Variants in ITSN1 observed in about 807,000 individuals in gnomAD.
The protein encoded by ITSN1 is intersectin-1.
A neutral mutation model predicts 239.8 loss-of-function variants in ITSN1; 58 were observed. The ratio of observed to expected loss-of-function variants is 0.24; its 90% CI spans 0.20 to 0.30. ITSN1 has a LOEUF of 0.30. Among genes scored for constraint, ITSN1 ranks in the 10% least tolerant of loss-of-function variants. ITSN1 has a pLI of 1.00. For synonymous variants in ITSN1, 780 were observed against 770.8 expected (o/e 1.01, Z -0.20); for missense variants, 1,558 against 2,103.3 (o/e 0.74, Z 5.07).
intron 29 of ITSN1, among the ~76,000 whole-genome samples, chr21:33,850,336 T>C (rs1441455735): frequency 6.6e-6 from 1 of 152,214 alleles, no homozygotes; most frequent in Non-Finnish European, 1.5e-5. Context: ...CTGGGTGGGA[T>C]ACCTGAGCTC....
At chr21:33,738,831 G>C (rs767126030) in intron 5 of ITSN1, among the ~76,000 whole-genome samples, 8 of 152,124 alleles carry the variant, frequency 5.3e-5, no homozygotes, top group Non-Finnish European at 8.8e-5. Flanking sequence ...GTCTCACTCT[G>C]TTGCCCAGAC....
intron 12 of ITSN1, among the ~76,000 whole-genome samples, chr21:33,773,005 T>TC (rs2069293081): frequency 6.6e-6 from 1 of 150,590 alleles, no homozygotes; most frequent in East Asian, 1.9e-4. Flanking sequence ...ATCTTCTTTT[T>TC]TTTTTTTTTT....
At chr21:33,831,621 G>A (rs796227949) in intron 27 of ITSN1, among the ~76,000 whole-genome samples, 2 of 152,152 alleles carry the variant, frequency 1.3e-5, no homozygotes, top group African/African-American at 4.8e-5. Context: ...AAGGAAGAAG[G>A]CCTTGCTGGG....
At chr21:33,761,423 T>G (rs2068316493) in intron 8 of ITSN1, among the ~76,000 whole-genome samples, 1 of 152,100 alleles carries the variant, frequency 6.6e-6, no homozygotes, top group Non-Finnish European at 1.5e-5. Flanking sequence ...TTTTTTTTCT[T>G]TTTAAGTCTG....
At position 33,668,014 on chromosome 21, in the gene ITSN1, A is replaced by G. The variant is rs2090032416; in HGVS notation, c.-33+25301A>G. 2.0e-5 allele frequency among the ~76,000 whole-genome samples: 3 copies of G among 152,096 alleles called. No individual in the cohort carries two copies. In the South Asian group the frequency reaches 6.2e-4, roughly 32 times the overall value. On this transcript the variant is annotated intron_variant, in intron 1 of 39. Transcript: ENST00000381318. The stretch of plus-strand genomic sequence containing the variant: ...ATAGGGGCCAGACCTCCTGCCCAGG[A>G]TATTTCTGGTCCAGTTCGAAAGTTG...
At chr21:33,723,430 C>T (rs908727175) in intron 4 of ITSN1, among the ~76,000 whole-genome samples, 28 of 152,212 alleles carry the variant, frequency 1.8e-4, no homozygotes, top group Non-Finnish European at 2.8e-4. Context: ...CTGGATAACA[C>T]GGTGAAACCC....
chr21:33,747,535 A>G (rs1375890307), intron 5 of ITSN1, among the ~76,000 whole-genome samples: 1 of 152,210 alleles, frequency 6.6e-6, no homozygotes, highest in Non-Finnish European at 1.5e-5. Context: ...ACCCAGACAC[A>G]TCATAGTTAA....
intron 1 of ITSN1, among the ~76,000 whole-genome samples, chr21:33,672,913 T>C (rs941181254): frequency 1.3e-5 from 2 of 152,198 alleles, no homozygotes; most frequent in African/African-American, 4.8e-5. Flanking sequence ...GGTTTCACCA[T>C]GTTGGCCAGG....
intron 16 of ITSN1, among the ~76,000 whole-genome samples, chr21:33,783,136 A>G (rs890727666): frequency 6.6e-6 from 1 of 152,202 alleles, no homozygotes; most frequent in Non-Finnish European, 1.5e-5. Context: ...TGTTATTCTT[A>G]TAAGAAATTG....
At chr21:33,744,160 G>A (rs2067038989) in intron 5 of ITSN1, among the ~76,000 whole-genome samples, 1 of 152,176 alleles carries the variant, frequency 6.6e-6, no homozygotes, top group South Asian at 2.1e-4. Flanking sequence ...TTTAAGGGGA[G>A]CAGGACTGCA....
rs537693207 is a variant in ITSN1, at chr21:33,807,117, G to A, written c.2320-3858G>A. Among the ~76,000 whole-genome samples, 5 of 152,226 alleles carry A rather than the reference G, an allele frequency of 3.3e-5. No homozygotes were observed. The East Asian group carries it at 9.6e-4, about 29-fold the overall frequency. On this transcript the variant is annotated intron_variant, in intron 20 of 39. Transcript: ENST00000381318. The stretch of plus-strand genomic sequence containing the variant: ...TAAGCTAATTGAGACTATTGTTTGG[G>A]GGGCTGTTGAGACCAACAGATTTCT...
intron 16 of ITSN1, among the ~76,000 whole-genome samples, chr21:33,793,507 G>A (rs1200745729): frequency 1.3e-5 from 2 of 152,176 alleles, no homozygotes; most frequent in African/African-American, 4.8e-5. Context: ...TATGGAATCA[G>A]GGAGTTTCTT....
chr21:33,834,552 G>GC, intron 28 of ITSN1, 128 bp downstream of exon 28: 1 of 688,094 alleles, frequency 1.5e-6, no homozygotes, highest in Non-Finnish European at 2.6e-6. Context: ...GTACTTGCTG[G>GC]GACTGACACC....
chr21:33,818,151 G>A (rs2073412277), intron 22 of ITSN1, 116 bp from the exon 23 acceptor site: 7 of 769,852 alleles, frequency 9.1e-6, no homozygotes, highest in South Asian at 8.6e-5. Context: ...AGGGCCCTTT[G>A]TGGCTGTGTG....
chr21:33,708,488 G>A (rs11910969), intron 1 of ITSN1, among the ~76,000 whole-genome samples: 8,406 of 151,884 alleles, frequency 0.055, 792 homozygotes, highest in African/African-American at 0.19. Flanking sequence ...CCCAGGTTCA[G>A]GCCATTCTCC....
rs1262137907 is a variant in ITSN1, at chr21:33,894,663, T to A, written c.*6363T>A. The A allele has an allele frequency of 6.6e-6, 1 of 152,256 alleles. No individual in the cohort carries two copies. The highest frequency in any genetic ancestry group is 2.4e-5 in the African/African-American group (1 of 41,472). The allele number at this position is 152,256 out of a possible 1,614,324, so 9.4% of individuals were successfully genotyped here. ...TCTTCTTCCAGAAGTTCTGGTTTTA[T>A]ACTTTTATCTTTTGAAAGAATAACA... On this transcript the variant is annotated 3_prime_UTR_variant, in exon 40 of 40. Transcript: ENST00000381318.
chr21:33,827,368 C>G (rs1228436718), intron 26 of ITSN1, among the ~76,000 whole-genome samples: 1 of 151,924 alleles, frequency 6.6e-6, no homozygotes, highest in African/African-American at 2.4e-5. Context: ...CCACTTCACT[C>G]CAGCCTGGGC....
chr21:33,771,904 G>A (rs1305880552), intron 11 of ITSN1, 157 bp from the exon 12 acceptor site: 2 of 718,824 alleles, frequency 2.8e-6, no homozygotes, highest in South Asian at 3.9e-5. Context: ...TTAGGCAAAG[G>A]GGGTTTTCGT....
At chr21:33,653,192 G>A (rs555526553) in intron 1 of ITSN1, among the ~76,000 whole-genome samples, 2 of 151,942 alleles carry the variant, frequency 1.3e-5, no homozygotes, top group East Asian at 1.9e-4. Context: ...ACGGGGTTTC[G>A]CCATGTTGGC....
Sources: gnomAD v4.1 joint callset for allele counts (sites outside exome capture counted in the v4.1 genomes callset) on GRCh38, gnomAD v4.1.1 for gene constraint, MANE v1.5 for transcripts, NCBI Gene and HGNC (gene_info 2026-07-23, HGNC 2026-07-21) for gene names.